Variants in WSCD1 observed in about 807,000 individuals in gnomAD.
WSCD1 encodes the protein WSC domain sialate O sulfotransferase 1.
In WSCD1, 41 loss-of-function variants were observed where a neutral mutation model predicts 60.4. That is an observed-to-expected ratio of 0.68 (90% CI 0.53 to 0.88). The LOEUF (loss-of-function observed/expected upper bound fraction) is 0.88, where lower values mean the gene tolerates loss of function less well. Ranked by LOEUF, WSCD1 falls within the 40% of genes least tolerant of loss-of-function variation. The pLI is 0.00. For synonymous variants in WSCD1, 361 were observed against 332.5 expected (o/e 1.09, Z -0.93); for missense variants, 784 against 796.2 (o/e 0.98, Z 0.18).
At chr17:6,085,088 G>A (rs1156694073) in intron 2 of WSCD1, 4 of 152,106 alleles carry the variant, frequency 2.6e-5, no homozygotes, top group Non-Finnish European at 5.9e-5. Context: ...TTATTAACGT[G>A]TTAATTATTC....
At chr17:6,078,558 G>A (rs1909014208) in intron 1 of WSCD1, among the ~76,000 whole-genome samples, 1 of 151,944 alleles carries the variant, frequency 6.6e-6, no homozygotes, top group Non-Finnish European at 1.5e-5. Flanking sequence ...CTGGAATGTG[G>A]AGGGTGTGTG....
chr17:6,104,195 G>C (rs1330617004), intron 5 of WSCD1, among the ~76,000 whole-genome samples: 1 of 152,104 alleles, frequency 6.6e-6, no homozygotes, highest in East Asian at 1.9e-4. Flanking sequence ...CGTGAACTGA[G>C]AGCAAGAACT....
At chr17:6,102,079 T>A (rs903628371) in intron 5 of WSCD1, among the ~76,000 whole-genome samples, 1 of 152,230 alleles carries the variant, frequency 6.6e-6, no homozygotes, top group African/African-American at 2.4e-5. Context: ...CTTTTTCCCC[T>A]CTTTTAGCCT....
intron 4 of WSCD1, among the ~76,000 whole-genome samples, chr17:6,091,858 T>G (rs1458260386): frequency 6.6e-6 from 1 of 152,084 alleles, no homozygotes; most frequent in Non-Finnish European, 1.5e-5. Flanking sequence ...AGAGCCCAGG[T>G]AAAGAGGTAT....
At chr17:6,103,725 T>C (rs151079936) in intron 5 of WSCD1, among the ~76,000 whole-genome samples, 12 of 152,196 alleles carry the variant, frequency 7.9e-5, no homozygotes, top group Admixed American at 7.9e-4. Context: ...GTACTCTTTT[T>C]GTGGAGAAAA....
intron 5 of WSCD1, among the ~76,000 whole-genome samples, chr17:6,095,471 G>A (rs981816954): frequency 2.0e-5 from 3 of 152,234 alleles, no homozygotes; most frequent in Non-Finnish European, 4.4e-5. Context: ...CGAAAGGAGA[G>A]TGCCTTTCTG....
At chr17:6,099,531 A>AG (rs1910667250) in intron 5 of WSCD1, among the ~76,000 whole-genome samples, 1 of 150,780 alleles carries the variant, frequency 6.6e-6, no homozygotes, top group Non-Finnish European at 1.5e-5. Context: ...AAAAAAAAAA[A>AG]GAGAGCAACT....
At position 6,094,900 on chromosome 17, in the gene WSCD1, C is replaced by T. The variant is rs115330434; in HGVS notation, c.728-202C>T. On this transcript the variant is annotated intron_variant, in intron 4 of 8. Transcript: ENST00000317744. ...GTGGTCCCTTGTAGATGACCCTGGACGGTCAAGGTGCTGATGCCTGGTTTC... is the reference window on the plus strand; with the variant it reads ...GTGGTCCCTTGTAGATGACCCTGGATGGTCAAGGTGCTGATGCCTGGTTTC... Among the ~76,000 whole-genome samples the T allele has an allele frequency of 8.1e-3, 1,234 of 151,472 alleles. 13 individuals are homozygous for T. The highest frequency in any genetic ancestry group is 0.026 in the African/African-American group (1,054 of 41,098).
At chr17:6,092,511 G>A (rs995258394) in intron 4 of WSCD1, among the ~76,000 whole-genome samples, 8 of 152,096 alleles carry the variant, frequency 5.3e-5, no homozygotes, top group African/African-American at 7.2e-5. Flanking sequence ...GTGTCTCACC[G>A]ACACCTACTC....
intron 4 of WSCD1, among the ~76,000 whole-genome samples, chr17:6,091,085 G>A (rs1262310707): frequency 1.3e-5 from 2 of 152,000 alleles, no homozygotes; most frequent in Non-Finnish European, 2.9e-5. Context: ...GTAGAGACGG[G>A]GTTTCACCAC....
At chr17:6,072,846 A>T (rs1317076475) in intron 1 of WSCD1, among the ~76,000 whole-genome samples, 1 of 152,096 alleles carries the variant, frequency 6.6e-6, no homozygotes, top group Non-Finnish European at 1.5e-5. Context: ...TGCCACTTGG[A>T]GAATGTGGTC....
At position 6,080,588 on chromosome 17, in the gene WSCD1, C is replaced by T; in HGVS notation, c.-71C>T. The T allele has an allele frequency of 1.3e-6, 2 of 1,547,658 alleles. No homozygotes were observed. Among genetic ancestry groups the T allele is most frequent in the Non-Finnish European group, 1.8e-6 (2 of 1,136,966 alleles). On this transcript the variant is annotated 5_prime_UTR_variant, in exon 2 of 9. Coordinates refer to ENST00000317744, the MANE Select transcript of WSCD1 (RefSeq NM_015253.2). This position sits in a 1 kb window ranked among gnomAD's most constrained non-coding sequence, Gnocchi z 6.6. Reference sequence around the variant, plus strand: ...TGCAAGGATGACGCCTCCGGAGGCCCTGGCCTCACTCCCACCTGGGCGCTA... The same window carrying T: ...TGCAAGGATGACGCCTCCGGAGGCCTTGGCCTCACTCCCACCTGGGCGCTA...
At chr17:6,091,913 T>C (rs549378876) in intron 4 of WSCD1, among the ~76,000 whole-genome samples, 5 of 152,136 alleles carry the variant, frequency 3.3e-5, no homozygotes, top group African/African-American at 4.8e-5. Context: ...TCCCAGCACT[T>C]TGGGAGGCCA....
Position 6,090,368 on chromosome 17 carries a change from G to GGA in WSCD1, c.591_592dup (p.Asn198ArgfsTer7). The GGA allele has an allele frequency of 6.2e-7, 1 of 1,609,490 alleles. No individual in the cohort carries two copies. Among genetic ancestry groups the GGA allele is most frequent in the Non-Finnish European group, 8.5e-7 (1 of 1,178,158 alleles). On this transcript the variant is annotated frameshift_variant, in exon 4 of 9. Coordinates refer to ENST00000317744, the MANE Select transcript of WSCD1 (RefSeq NM_015253.2). LOFTEE classifies it high-confidence loss of function. ...GAGGCCGGGGCGGAGTGTTACTGCGGGAACCGGCTGCCAGCGGTGAGCGTG... is the reference window on the plus strand; with the variant it reads ...GAGGCCGGGGCGGAGTGTTACTGCGGGAGAACCGGCTGCCAGCGGTGAGCGTG...
chr17:6,096,452 AAGGGGGCTGGACACCTCCCTTGG>A (rs924299838), intron 5 of WSCD1, among the ~76,000 whole-genome samples: 1 of 151,896 alleles, frequency 6.6e-6, no homozygotes, highest in African/African-American at 2.4e-5. Context: ...GCTGGAGAAC[AAGGGGGCTGGACACCTCCCTTGG>A]AGGGGGCTGG....
chr17:6,102,973 C>A (rs1392350201), intron 5 of WSCD1, among the ~76,000 whole-genome samples: 1 of 152,150 alleles, frequency 6.6e-6, no homozygotes, highest in Non-Finnish European at 1.5e-5. Context: ...TTTATATGAG[C>A]CCTTTTAAGA....
In WSCD1 at chr17:6,102,099, G is replaced by A. The variant is rs752894054; in HGVS notation, c.849+6876G>A. Among the ~76,000 whole-genome samples, 9 of 152,182 alleles carry A rather than the reference G, an allele frequency of 5.9e-5. No individual in the cohort carries two copies. In the South Asian group the frequency reaches 6.2e-4, roughly 11 times the overall value. On this transcript the variant is annotated intron_variant, in intron 5 of 8. Coordinates refer to ENST00000317744, the MANE Select transcript of WSCD1 (RefSeq NM_015253.2). ...TCCCCTCTTTTAGCCTCTTTTGGGC[G>A]TCTAAATTCTTTACGCATTAATCAC...
intron 3 of WSCD1, among the ~76,000 whole-genome samples, chr17:6,089,444 G>T (rs530859453): frequency 6.6e-6 from 1 of 152,268 alleles, no homozygotes; most frequent in African/African-American, 2.4e-5. Flanking sequence ...ATTCATTGAG[G>T]GTTCTGTTTC....
Position 6,080,435 on chromosome 17 carries a change from A to C in WSCD1, c.-224A>C. The C allele has an allele frequency of 1.8e-6, 1 of 558,128 alleles. No homozygotes were observed. The allele number at this position is 558,128 out of a possible 1,614,324, so 34.6% of individuals were successfully genotyped here. ...ATGGAGATGTCCTTGACGCCTGGGCAGAGGCTGCAGCTGCAGGACCCTGTG... is the reference window on the plus strand; with the variant it reads ...ATGGAGATGTCCTTGACGCCTGGGCCGAGGCTGCAGCTGCAGGACCCTGTG... On this transcript the variant is annotated 5_prime_UTR_variant, in exon 2 of 9. Coordinates refer to ENST00000317744, the MANE Select transcript of WSCD1 (RefSeq NM_015253.2). This position sits in a 1 kb window ranked among gnomAD's most constrained non-coding sequence, Gnocchi z 6.6.
Sources: gnomAD v4.1 joint callset for allele counts (sites outside exome capture counted in the v4.1 genomes callset) on GRCh38, gnomAD v4.1.1 for gene constraint, Gnocchi (gnomAD v3.1) non-coding constraint, MANE v1.5 for transcripts, NCBI Gene and HGNC (gene_info 2026-07-23, HGNC 2026-07-21) for gene names.